OR51V1: variants seen among roughly 807,000 people sequenced by gnomAD.
The protein encoded by OR51V1 is olfactory receptor family 51 subfamily V member 1, also known as olfactory receptor 51V1.
OR51V1 carries 16 observed loss-of-function variants against 16.3 expected under a neutral mutation model. The ratio of observed to expected loss-of-function variants is 0.98; its 90% CI spans 0.67 to 1.49. The LOEUF (loss-of-function observed/expected upper bound fraction) is 1.49. Ranked by LOEUF, OR51V1 falls within the 40% of genes most tolerant of loss-of-function variation. The pLI is 0.00. For synonymous variants in OR51V1, 189 were observed against 142.2 expected (o/e 1.33, Z -2.34); for missense variants, 469 against 380.4 (o/e 1.23, Z -1.94).
rs1333116359 is a variant in OR51V1, at chr11:5,200,413, C to G, written c.270G>C (p.Gly90=). The change falls in exon 1 of 1, where the codon GGG becomes GGC. Residue 90 remains glycine, a synonymous_variant. Coordinates refer to ENST00000641270, the MANE Select transcript of OR51V1 (RefSeq NM_001004760.3). The part of the protein sequence containing the change: ...TVYTVLGILW[G]IIREISLDSC... The stretch of plus-strand genomic sequence containing the variant: ...AATCCAAGCTGATCTCTCGAATGAT[C>G]CCCCACAGGATCCCCAGCACTGTGT... The G allele has an allele frequency of 3.1e-6, 5 of 1,613,840 alleles. No homozygotes were observed. The highest frequency in any genetic ancestry group is 4.2e-6 in the Non-Finnish European group (5 of 1,179,848).
rs756895524 is a variant in OR51V1, at chr11:5,200,521, A to G, written c.162T>C (p.Thr54=). The G allele has an allele frequency of 1.9e-6, 3 of 1,613,902 alleles. No individual in the cohort carries two copies. In the African/African-American group the frequency reaches 4.0e-5, roughly 22 times the overall value. ...GNCMVLHVIW[T]EPSLHQPMFY... ...ACATAGGCTGGTGCAGGCTTGGCTC[A>G]GTCCATATCACATGGAGAACCATGC... Residue 54 remains threonine (T), a synonymous_variant, in exon 1 of 1, where the codon ACT becomes ACC. Transcript: ENST00000641270.
In OR51V1 at chr11:5,200,464, G is replaced by A; in HGVS notation, c.219C>T (p.Asp73=). 1.2e-6 allele frequency: 2 copies of A among 1,613,926 alleles called. No homozygotes were observed. The highest frequency in any genetic ancestry group is 1.7e-6 in the Non-Finnish European group (2 of 1,179,948). The change falls in exon 1 of 1, where the codon GAC becomes GAT. Residue 73 remains aspartate (D), a synonymous_variant. Transcript: ENST00000641270. ...ACACAGTGGACAGCCCCATGCACAG[G>A]TCAGTGAGGGCCAGCATGGACAGGA... ...FYFLSMLALT[D]LCMGLSTVYT...
chr11:5,199,736 C>A lies in OR51V1; in HGVS notation c.947G>T (p.Ter316LeuextTer?). 1 of 1,585,024 alleles carries A rather than the reference C, an allele frequency of 6.3e-7. No individual in the cohort carries two copies. The stretch of plus-strand genomic sequence containing the variant: ...TTAGGCAATACATCTCAATATCTCT[C>A]AATATCTTTTCAGAGAAAAGAGTCT... Reference protein sequence around the residue: ...MLRLFSLKRY* With the variant: ...MLRLFSLKRYL Residue 316 changes from the stop codon to leucine, a stop_lost, in exon 1 of 1, where the codon TGA becomes TTA. Transcript: ENST00000641270.
Position 5,200,191 on chromosome 11 carries a change from G to C in OR51V1, c.492C>G (p.Ile164Met), listed in dbSNP as rs1847192247. Reference protein sequence around the residue: ...RSFFFITPPIICLKFFNYCHF... With the variant: ...RSFFFITPPIMCLKFFNYCHF... ...GACAGTAATTAAAAAATTTCAGACA[G>C]ATGATGGGGGGTGTAATAAAGAAAA... Residue 164 changes from isoleucine to methionine, a missense_variant, in exon 1 of 1, where the codon ATC becomes ATG. Transcript: ENST00000641270. 4 of 1,612,978 alleles carry C rather than the reference G, an allele frequency of 2.5e-6. No individual in the cohort carries two copies. Among genetic ancestry groups the C allele is most frequent in the Admixed American group, 3.3e-5 (2 of 59,990 alleles).
rs61732434 is a variant in OR51V1, at chr11:5,200,219, C to T, written c.464G>A (p.Ser155Asn). The stretch of plus-strand genomic sequence containing the variant: ...GATGGGGGGTGTAATAAAGAAAAAA[C>T]TCCTACCTATTATAGTGAGCCCAAT... ...IKIGLTIIGR[S>N]FFFITPPIIC... Residue 155 changes from serine (S) to asparagine (N), a missense_variant, in exon 1 of 1, where the codon AGT becomes AAT. Transcript: ENST00000641270. 10,054 of 1,613,596 alleles carry T rather than the reference C, an allele frequency of 6.2e-3. 581 individuals carry two copies. The African/African-American group carries it at 0.12, about 19-fold the overall frequency.
At position 5,199,932 on chromosome 11, in the gene OR51V1, C is replaced by T; in HGVS notation, c.751G>A (p.Val251Ile). Residue 251 changes from valine to isoleucine, a missense_variant, in exon 1 of 1, where the codon GTC (valine) becomes ATC (isoleucine). By Grantham distance (29) the Val-to-Ile change is conservative. Coordinates refer to ENST00000641270, the MANE Select transcript of OR51V1 (RefSeq NM_001004760.3). ...ATGATAGGGATGTAGAACACAAGGA[C>T]AGCACAGATGTGGGAGATGCAGGTC... ...FQTCISHICAVLVFYIPIISL... is the reference protein window; with the variant it reads ...FQTCISHICAILVFYIPIISL... 3 of 1,613,962 alleles carry T rather than the reference C, an allele frequency of 1.9e-6. No homozygotes were observed. Among genetic ancestry groups the T allele is most frequent in the Non-Finnish European group, 2.5e-6 (3 of 1,179,880 alleles).
chr11:5,200,369 T>C lies in OR51V1; in HGVS notation c.314A>G (p.Tyr105Cys), dbSNP rs2133569220. ...ISLDSCIAQS[Y>C]FIHGLSFMES... The stretch of plus-strand genomic sequence containing the variant: ...CATGAAGGACAGACCATGGATGAAA[T>C]AGGACTGGGCAATGCAGGAATCCAA... Residue 105 changes from tyrosine (Y) to cysteine (C), a missense_variant, in exon 1 of 1, where the codon TAT (tyrosine) becomes TGT (cysteine). By Grantham distance (194) the Tyr-to-Cys change is radical. Coordinates refer to ENST00000641270, the MANE Select transcript of OR51V1 (RefSeq NM_001004760.3). 6.2e-7 allele frequency: 1 copy of C among 1,613,840 alleles called. No homozygotes were observed. Among genetic ancestry groups the C allele is most frequent in the South Asian group, 1.1e-5 (1 of 91,066 alleles).
rs776936081 is a variant in OR51V1, at chr11:5,200,497, C to A, written c.186G>T (p.Met62Ile). 6.2e-7 allele frequency: 1 copy of A among 1,613,662 alleles called. No individual in the cohort carries two copies. Among genetic ancestry groups the A allele is most frequent in the Non-Finnish European group, 8.5e-7 (1 of 1,179,856 alleles). Residue 62 changes from methionine (M) to isoleucine (I), a missense_variant, in exon 1 of 1, where the codon ATG becomes ATT. Met to Ile is a conservative substitution (Grantham distance 10). Coordinates refer to ENST00000641270, the MANE Select transcript of OR51V1 (RefSeq NM_001004760.3). ...IWTEPSLHQP[M>I]FYFLSMLALT... ...GGGCCAGCATGGACAGGAAGTAAAACATAGGCTGGTGCAGGCTTGGCTCAG... is the reference window on the plus strand; with the variant it reads ...GGGCCAGCATGGACAGGAAGTAAAAAATAGGCTGGTGCAGGCTTGGCTCAG...
Position 5,199,847 on chromosome 11 carries a change from A to T in OR51V1, c.836T>A (p.Ile279Asn), listed in dbSNP as rs775923202. Reference protein sequence around the residue: ...KHLSPVAHVLIGNIYILFPPL... With the variant: ...KHLSPVAHVLNGNIYILFPPL... ...TGGGAAAAGGATGTAGATGTTGCCA[A>T]TGAGAACGTGGGCCACGGGGGAAAG... is the stretch of plus-strand genomic sequence containing the variant. The change falls in exon 1 of 1, where the codon ATT becomes AAT. Residue 279 changes from isoleucine to asparagine, a missense_variant. Coordinates refer to ENST00000641270, the MANE Select transcript of OR51V1 (RefSeq NM_001004760.3). 3.1e-6 allele frequency: 5 copies of T among 1,614,182 alleles called. No individual in the cohort carries two copies. Among genetic ancestry groups the T allele is most frequent in the Middle Eastern group, 1.6e-4 (1 of 6,062 alleles).
chr11:5,199,864 G>T lies in OR51V1; in HGVS notation c.819C>A (p.Pro273=), dbSNP rs142226521. 1.9e-6 allele frequency: 3 copies of T among 1,613,912 alleles called. No individual in the cohort carries two copies. In the South Asian group the frequency reaches 3.3e-5, roughly 18 times the overall value. The change falls in exon 1 of 1, where the codon CCC becomes CCA. Residue 273 remains proline (P), a synonymous_variant. Transcript: ENST00000641270. ...MVHRFGKHLS[P]VAHVLIGNIY... is the part of the protein sequence containing the mutation. ...TGTTGCCAATGAGAACGTGGGCCAC[G>T]GGGGAAAGGTGCTTGCCAAAACGGT...
Position 5,200,014 on chromosome 11 carries a change from C to A in OR51V1, c.669G>T (p.Leu223=). Reference sequence around the variant, plus strand: ...CAACTGCCAGGACTGACTTAAGAATCAGGATGTAGGAGAAAAGGATGAGTA... The same window carrying A: ...CAACTGCCAGGACTGACTTAAGAATAAGGATGTAGGAGAAAAGGATGAGTA... The part of the protein sequence containing the change: ...DAILILFSYI[L]ILKSVLAVAS... Residue 223 remains leucine (L), a synonymous_variant, in exon 1 of 1, where the codon CTG becomes CTT. Coordinates refer to ENST00000641270, the MANE Select transcript of OR51V1 (RefSeq NM_001004760.3). 6.2e-7 allele frequency: 1 copy of A among 1,613,912 alleles called. No homozygotes were observed. Among genetic ancestry groups the A allele is most frequent in the South Asian group, 1.1e-5 (1 of 91,074 alleles).
Position 5,200,384 on chromosome 11 carries a change from C to G in OR51V1, c.299G>C (p.Cys100Ser). Residue 100 changes from cysteine to serine, a missense_variant, in exon 1 of 1, where the codon TGC (cysteine) becomes TCC (serine). Coordinates refer to ENST00000641270, the MANE Select transcript of OR51V1 (RefSeq NM_001004760.3). ...ATGGATGAAATAGGACTGGGCAATG[C>G]AGGAATCCAAGCTGATCTCTCGAAT... ...GIIREISLDS[C>S]IAQSYFIHGL... is the part of the protein sequence containing the mutation. 2.5e-6 allele frequency: 4 copies of G among 1,613,944 alleles called. No individual in the cohort carries two copies. Among genetic ancestry groups the G allele is most frequent in the South Asian group, 1.1e-5 (1 of 91,068 alleles).
rs777800660 is a variant in OR51V1, at chr11:5,199,923, A to C, written c.760T>G (p.Phe254Val). ...GTGAGGCTAATGATAGGGATGTAGA[A>C]CACAAGGACAGCACAGATGTGGGAG... ...CISHICAVLV[F>V]YIPIISLTMV... Residue 254 changes from phenylalanine (F) to valine (V), a missense_variant, in exon 1 of 1, where the codon TTC (phenylalanine) becomes GTC (valine). Coordinates refer to ENST00000641270, the MANE Select transcript of OR51V1 (RefSeq NM_001004760.3). The C allele has an allele frequency of 4.3e-6, 7 of 1,614,048 alleles. No homozygotes were observed. The highest frequency in any genetic ancestry group is 5.9e-6 in the Non-Finnish European group (7 of 1,179,912).
Position 5,200,127 on chromosome 11 carries a change from C to T in OR51V1, c.556G>A (p.Asp186Asn), listed in dbSNP as rs1434644594. ...ILSHSFCLHQDLLRLACSDIR... is the reference protein window; with the variant it reads ...ILSHSFCLHQNLLRLACSDIR... ...TCTGAACAGGCTAAGCGGAGAAGATCCTGGTGCAGGCAGAAAGAGTGAGAA... is the reference window on the plus strand; with the variant it reads ...TCTGAACAGGCTAAGCGGAGAAGATTCTGGTGCAGGCAGAAAGAGTGAGAA... The change falls in exon 1 of 1, where the codon GAT (aspartate) becomes AAT (asparagine). Residue 186 changes from aspartate to asparagine, a missense_variant. Asp to Asn is a conservative substitution (Grantham distance 23). Coordinates refer to ENST00000641270, the MANE Select transcript of OR51V1 (RefSeq NM_001004760.3). The T allele has an allele frequency of 1.2e-6, 2 of 1,613,706 alleles. No homozygotes were observed. The highest frequency in any genetic ancestry group is 2.2e-5 in the East Asian group (1 of 44,864).
In OR51V1 at chr11:5,200,176, A is replaced by T. The variant is rs778097394; in HGVS notation, c.507T>A (p.Phe169Leu). The change falls in exon 1 of 1, where the codon TTT becomes TTA. Residue 169 changes from phenylalanine to leucine, a missense_variant. Physicochemically the swap from Phe to Leu is conservative, Grantham distance 22. Coordinates refer to ENST00000641270, the MANE Select transcript of OR51V1 (RefSeq NM_001004760.3). Reference protein sequence around the residue: ...ITPPIICLKFFNYCHFHILSH... With the variant: ...ITPPIICLKFLNYCHFHILSH... ...AAAGGATGTGGAAATGACAGTAATTAAAAAATTTCAGACAGATGATGGGGG... is the reference window on the plus strand; with the variant it reads ...AAAGGATGTGGAAATGACAGTAATTTAAAAATTTCAGACAGATGATGGGGG... 1.5e-5 allele frequency: 24 copies of T among 1,613,046 alleles called. No homozygotes were observed. In the Admixed American group the frequency reaches 1.5e-4, roughly 10 times the overall value.
In OR51V1 at chr11:5,200,438, TAC is replaced by T; in HGVS notation, c.243_244del (p.Tyr82HisfsTer42). On this transcript the variant is annotated frameshift_variant, in exon 1 of 1. Transcript: ENST00000641270. LOFTEE classifies it high-confidence loss of function. ...CCCCCACAGGATCCCCAGCACTGTG[TAC>T]ACAGTGGACAGCCCCATGCACAGGT... 1 of 1,613,910 alleles carries T rather than the reference TAC, an allele frequency of 6.2e-7. No homozygotes were observed. The highest frequency in any genetic ancestry group is 8.5e-7 in the Non-Finnish European group (1 of 1,179,972).
rs779616019 is a variant in OR51V1, at chr11:5,200,270, A to T, written c.413T>A (p.Ile138Asn). ...TTTGATAATTCTGGAATTAGTCAGG[A>T]TGGAGGAATAACGTAGTGGATTGCA... ...AICNPLRYSSILTNSRIIKIG... is the reference protein window; with the variant it reads ...AICNPLRYSSNLTNSRIIKIG... Residue 138 changes from isoleucine to asparagine, a missense_variant, in exon 1 of 1, where the codon ATC becomes AAC. Ile to Asn is a moderately radical substitution (Grantham distance 149). Coordinates refer to ENST00000641270, the MANE Select transcript of OR51V1 (RefSeq NM_001004760.3). The T allele has an allele frequency of 1.5e-5, 24 of 1,613,844 alleles. No individual in the cohort carries two copies. The highest frequency in any genetic ancestry group is 1.9e-5 in the Non-Finnish European group (23 of 1,179,778).
chr11:5,200,594 A>G lies in OR51V1; in HGVS notation c.89T>C (p.Leu30Pro), dbSNP rs1164787032. 6.2e-7 allele frequency: 1 copy of G among 1,613,706 alleles called. No individual in the cohort carries two copies. The highest frequency in any genetic ancestry group is 8.5e-7 in the Non-Finnish European group (1 of 1,179,644). Residue 30 changes from leucine (L) to proline (P), a missense_variant, in exon 1 of 1, where the codon CTT becomes CCT. Transcript: ENST00000641270. ...ATAGATTGAGGAGAAGGGGATGGAAAGCCAGGGGTATTGCTGCTCCATGCC... is the reference window on the plus strand; with the variant it reads ...ATAGATTGAGGAGAAGGGGATGGAAGGCCAGGGGTATTGCTGCTCCATGCC... ...FSGMEQQYPW[L>P]SIPFSSIYAM...
In OR51V1 at chr11:5,200,356, A is replaced by G. The variant is rs1223161704; in HGVS notation, c.327T>C (p.Gly109=). ...SCIAQSYFIH[G]LSFMESSVLL... is the part of the protein sequence containing the mutation. ...GGACAGAGGACTCCATGAAGGACAG[A>G]CCATGGATGAAATAGGACTGGGCAA... The change falls in exon 1 of 1, where the codon GGT becomes GGC. Residue 109 remains glycine, a synonymous_variant. Coordinates refer to ENST00000641270, the MANE Select transcript of OR51V1 (RefSeq NM_001004760.3). 1 of 1,613,926 alleles carries G rather than the reference A, an allele frequency of 6.2e-7. No homozygotes were observed. The highest frequency in any genetic ancestry group is 8.5e-7 in the Non-Finnish European group (1 of 1,179,850).
Sources: allele counts gnomAD v4.1 joint callset, GRCh38; gene constraint gnomAD v4.1.1; transcripts MANE v1.5; gene names NCBI Gene and HGNC (gene_info 2026-07-23, HGNC 2026-07-21).